Variants in ASPG observed in about 807,000 individuals in gnomAD.
ASPG encodes asparaginase, also known as 60 kDa lysophospholipase.
In ASPG, 53 loss-of-function variants were observed where a neutral mutation model predicts 63.2. The ratio of observed to expected loss-of-function variants is 0.84; its 90% CI spans 0.67 to 1.05. The LOEUF is 1.05. ASPG is among the 50% of genes least tolerant of loss of function. The pLI, the probability that ASPG is intolerant of heterozygous loss-of-function variation, is 0.00. For synonymous variants in ASPG, 370 were observed against 355.0 expected (o/e 1.04, Z -0.48); for missense variants, 741 against 794.4 (o/e 0.93, Z 0.81).
rs1166927384 is a variant in ASPG at position 104,115,258 on chromosome 14, T to C, written c.*2714T>C. Reference sequence around the variant, plus strand: ...TCCCCTTCTGGTCACACCTCAATATTTCCTGCTGCTGGTGGGAACTGCAGG... The same window carrying C: ...TCCCCTTCTGGTCACACCTCAATATCTCCTGCTGCTGGTGGGAACTGCAGG... On this transcript the variant is annotated 3_prime_UTR_variant, in exon 16 of 16. Coordinates refer to ENST00000551177, the MANE Select transcript of ASPG (RefSeq NM_001080464.3). The C allele has an allele frequency of 6.6e-6, 1 of 152,234 alleles. No homozygotes were observed. The highest frequency in any genetic ancestry group is 2.4e-5 in the African/African-American group (1 of 41,434). 9.4% of individuals were successfully genotyped at this position (152,234 alleles called of 1,614,324 possible).
At position 104,110,163 on chromosome 14, in the gene ASPG, G is replaced by A; in HGVS notation, c.1520+848G>A. The A allele has an allele frequency of 6.1e-6, 6 of 985,280 alleles. No individual in the cohort carries two copies. Among genetic ancestry groups the A allele is most frequent in the Non-Finnish European group, 7.2e-6 (6 of 829,884 alleles). 61.0% of individuals were successfully genotyped at this position (985,280 alleles called of 1,614,324 possible). ...CAGGAGACCTGGGCCGGGTGCAGGTGGTGGCTGGGGTGGGGGTGCTGTGAG... is the reference window on the plus strand; with the variant it reads ...CAGGAGACCTGGGCCGGGTGCAGGTAGTGGCTGGGGTGGGGGTGCTGTGAG... On this transcript the variant is annotated intron_variant, in intron 13 of 15. Transcript: ENST00000551177. This position sits in a 1 kb window ranked among gnomAD's most constrained non-coding sequence, Gnocchi z 4.7.
At chr14:104,099,950 T>G (rs1307772544) in intron 6 of ASPG, among the ~76,000 whole-genome samples, 4 of 151,736 alleles carry the variant, frequency 2.6e-5, no homozygotes, top group Non-Finnish European at 5.9e-5. Flanking sequence ...TCTGGGCGGG[T>G]GGGGTGGAGG....
intron 1 of ASPG, among the ~76,000 whole-genome samples, chr14:104,090,464 C>T (rs929796840): frequency 6.6e-6 from 1 of 152,254 alleles, no homozygotes; most frequent in Non-Finnish European, 1.5e-5. Flanking sequence ...CACAGAAGTT[C>T]GTTCTGGGTT....
At chr14:104,100,713 T>C (rs1447306919) in intron 6 of ASPG, among the ~76,000 whole-genome samples, 1 of 152,188 alleles carries the variant, frequency 6.6e-6, no homozygotes, top group Non-Finnish European at 1.5e-5. Flanking sequence ...AGGGGCCCAC[T>C]TGCTCACCGA....
At chr14:104,098,031 G>A (rs1844605451) in intron 5 of ASPG, among the ~76,000 whole-genome samples, 1 of 88,802 alleles carries the variant, frequency 1.1e-5, no homozygotes, top group Non-Finnish European at 2.5e-5. Flanking sequence ...CTGCGTTAGA[G>A]ATGCGTATGG....
rs118062797 is a variant in ASPG at position 104,086,877 on chromosome 14, G to A, written c.82+1025G>A. 2.7e-3 allele frequency among the ~76,000 whole-genome samples: 408 copies of A among 152,134 alleles called. 10 individuals are homozygous for A. In the East Asian group the frequency reaches 0.053, roughly 20 times the overall value. ...TCCTGGGACGGCTGGGACCCTCTCCGGCTCTGCCAGAGCCCAGGGCCTCCC... is the reference window on the plus strand; with the variant it reads ...TCCTGGGACGGCTGGGACCCTCTCCAGCTCTGCCAGAGCCCAGGGCCTCCC... On this transcript the variant is annotated intron_variant, in intron 1 of 15. Transcript: ENST00000551177.
In ASPG at chr14:104,092,695, G is replaced by A. The variant is rs1377893344; in HGVS notation, c.145G>A (p.Glu49Lys). 13 of 1,537,690 alleles carry A rather than the reference G, an allele frequency of 8.5e-6. No homozygotes were observed. Among genetic ancestry groups the A allele is most frequent in the Non-Finnish European group, 1.1e-5 (13 of 1,147,574 alleles). Residue 49 changes from glutamate to lysine, a missense_variant, in exon 2 of 16, where the codon GAG (glutamate) becomes AAG (lysine). Transcript: ENST00000551177. ...LRTLPMFHDE[E>K]HARARGLSED... The stretch of plus-strand genomic sequence containing the variant: ...GACACTGCCCATGTTCCATGACGAG[G>A]AGCACGCCCGAGCCCGCGGCCTCTC...
intron 1 of ASPG, among the ~76,000 whole-genome samples, chr14:104,086,243 A>T (rs1381486979): frequency 6.6e-6 from 1 of 152,108 alleles, no homozygotes; most frequent in Non-Finnish European, 1.5e-5. Flanking sequence ...GAGAAGGCTT[A>T]GGAGGCTGCG....
chr14:104,099,336 G>A (rs544313163), intron 6 of ASPG, among the ~76,000 whole-genome samples: 1 of 152,312 alleles, frequency 6.6e-6, no homozygotes, highest in South Asian at 2.1e-4. Flanking sequence ...CCGTAGCCTC[G>A]TCCCCAGGAG....
At chr14:104,102,235 C>T (rs2036908281) in intron 6 of ASPG, among the ~76,000 whole-genome samples, 1 of 152,076 alleles carries the variant, frequency 6.6e-6, no homozygotes, top group African/African-American at 2.4e-5. Context: ...ATGCTGTGGG[C>T]TCTGGTGGGG....
intron 1 of ASPG, among the ~76,000 whole-genome samples, chr14:104,086,076 C>T (rs1200101675): frequency 4.6e-5 from 7 of 152,156 alleles, no homozygotes; most frequent in African/African-American, 7.2e-5. Context: ...CGCGGTGCTC[C>T]CGGGAGCGCC....
At chr14:104,095,301 C>T (rs886620690) in intron 3 of ASPG, among the ~76,000 whole-genome samples, 1 of 152,160 alleles carries the variant, frequency 6.6e-6, no homozygotes, top group South Asian at 2.1e-4. Context: ...GGAGCCTCAG[C>T]GTGGTGGGTG....
Position 104,085,740 on chromosome 14 carries a change from C to T in ASPG, c.-31C>T. Reference sequence around the variant, plus strand: ...CAGGCCCTGCGTCCCCGCTGCACACCCCCGTCCACTCCCGTGGTCCCCGGT... The same window carrying T: ...CAGGCCCTGCGTCCCCGCTGCACACTCCCGTCCACTCCCGTGGTCCCCGGT... On this transcript the variant is annotated 5_prime_UTR_variant, in exon 1 of 16. Coordinates refer to ENST00000551177, the MANE Select transcript of ASPG (RefSeq NM_001080464.3). The T allele has an allele frequency of 6.4e-7, 1 of 1,553,850 alleles. No homozygotes were observed. The highest frequency in any genetic ancestry group is 2.5e-5 in the East Asian group (1 of 40,548).
intron 9 of ASPG, 36 bp downstream of exon 9, chr14:104,104,771 G>A (rs748073153): frequency 1.3e-6 from 2 of 1,533,356 alleles, no homozygotes; most frequent in Admixed American, 3.7e-5. Flanking sequence ...AACCCTCGGT[G>A]TGCACAAGCA....
chr14:104,104,981 G>A (rs777116812), intron 9 of ASPG: 3 of 578,938 alleles, frequency 5.2e-6, no homozygotes, highest in Non-Finnish European at 9.1e-6. Flanking sequence ...AGACTGCATG[G>A]AGACCTGAGG....
chr14:104,105,570 G>A lies in ASPG; in HGVS notation c.1173+120G>A, dbSNP rs184130340. The A allele has an allele frequency of 1.3e-5, 17 of 1,344,476 alleles. No individual in the cohort carries two copies. In the African/African-American group the frequency reaches 2.1e-4, roughly 16 times the overall value. 83.3% of individuals were successfully genotyped at this position (1,344,476 alleles called of 1,614,324 possible). ...CCATCACTCGAGCCCAAACAGTTAGGCACACCCGGGTTCTGGGGCCCAGGA... is the reference window on the plus strand; with the variant it reads ...CCATCACTCGAGCCCAAACAGTTAGACACACCCGGGTTCTGGGGCCCAGGA... On this transcript the variant is annotated intron_variant, in intron 10 of 15. Coordinates refer to ENST00000551177, the MANE Select transcript of ASPG (RefSeq NM_001080464.3).
intron 6 of ASPG, among the ~76,000 whole-genome samples, chr14:104,101,451 C>T (rs955381487): frequency 4.6e-5 from 7 of 152,210 alleles, no homozygotes; most frequent in Admixed American, 1.3e-4. Flanking sequence ...CTCCTGTCCA[C>T]AGTCGGCTCG....
chr14:104,097,283 G>A (rs2036636658), intron 4 of ASPG, among the ~76,000 whole-genome samples: 1 of 152,070 alleles, frequency 6.6e-6, no homozygotes, highest in African/African-American at 2.4e-5. Context: ...GGTGGGTTGA[G>A]GCCCTGGGTG....
At chr14:104,093,105 G>C (rs2036422698) in intron 2 of ASPG, 1 of 474,390 alleles carries the variant, frequency 2.1e-6, no homozygotes, top group Non-Finnish European at 3.9e-6. Flanking sequence ...TCTGGGCCCA[G>C]CTCCCTGATG....
Sources: allele counts gnomAD v4.1 joint callset (sites outside exome capture counted in the v4.1 genomes callset), GRCh38; gene constraint gnomAD v4.1.1; non-coding constraint Gnocchi (gnomAD v3.1); transcripts MANE v1.5; gene names NCBI Gene and HGNC (gene_info 2026-07-23, HGNC 2026-07-21).